The following CLDND1 variants were observed in gnomAD, a reference collection of about 807,000 sequenced individuals.
The protein encoded by CLDND1 is claudin domain containing 1.
Under a neutral mutation model 26.3 loss-of-function variants are expected in CLDND1, and 13 were observed. The observed-to-expected ratio is 0.49, with a 90% CI of 0.32 to 0.78. The LOEUF (loss-of-function observed/expected upper bound fraction) is 0.78. CLDND1 is among the 30% of genes least tolerant of loss of function. CLDND1 has a pLI of 0.03. For synonymous variants in CLDND1, 107 were observed against 107.0 expected (o/e 1.00, Z 0.00); for missense variants, 289 against 312.8 (o/e 0.92, Z 0.57).
chr3:98,521,935 T>C (rs939910072), intron 1 of CLDND1: 15 of 524,990 alleles, frequency 2.9e-5, no homozygotes, highest in African/African-American at 2.7e-4. Context: ...AAAACAAAGG[T>C]AAGAGTCAGG....
intron 3 of CLDND1, among the ~76,000 whole-genome samples, chr3:98,517,602 AGC>A (rs1706202619): frequency 6.6e-6 from 1 of 152,246 alleles, no homozygotes; most frequent in Non-Finnish European, 1.5e-5. Context: ...CTATTTACAT[AGC>A]ATTTATATTG....
Position 98,516,687 on chromosome 3 carries a change from G to T in CLDND1, c.734C>A (p.Thr245Asn). ...WAAHTNRKEY[T>N]LMKAYRVA The stretch of plus-strand genomic sequence containing the variant: ...TGCCACACGATATGCCTTCATTAAG[G>T]TGTACTCTTTCCGGTTGGTGTGAGC... The change falls in exon 5 of 5, where the codon ACC becomes AAC. Residue 245 changes from threonine (T) to asparagine (N), a missense_variant. By Grantham distance (65) the Thr-to-Asn change is moderately conservative. Transcript: ENST00000341181. The T allele has an allele frequency of 3.1e-6, 5 of 1,614,152 alleles. No homozygotes were observed. The highest frequency in any genetic ancestry group is 4.2e-6 in the Non-Finnish European group (5 of 1,180,014).
chr3:98,516,831 A>C lies in CLDND1; in HGVS notation c.590T>G (p.Leu197Arg). 6.2e-7 allele frequency: 1 copy of C among 1,614,208 alleles called. No homozygotes were observed. Among genetic ancestry groups the C allele is most frequent in the South Asian group, 1.1e-5 (1 of 91,082 alleles). The change falls in exon 5 of 5, where the codon CTA (leucine) becomes CGA (arginine). Residue 197 changes from leucine (L) to arginine (R), a missense_variant. Coordinates refer to ENST00000341181, the MANE Select transcript of CLDND1 (RefSeq NM_001040181.2). ...AGGGAGCTCTAGTTTCTGGTGGAGT[A>C]GTTCAATTCCAGCAACATAACAACT... ...SVSCYVAGIE[L>R]LHQKLELPDN... is the part of the protein sequence containing the mutation.
intron 1 of CLDND1, chr3:98,521,975 T>C (rs1203093101): frequency 9.4e-6 from 4 of 424,794 alleles, no homozygotes; most frequent in South Asian, 4.4e-5. Flanking sequence ...TTGAAGATGT[T>C]TGTTAACCCC....
chr3:98,519,787 G>A (rs983574309), intron 2 of CLDND1, among the ~76,000 whole-genome samples: 2 of 152,074 alleles, frequency 1.3e-5, no homozygotes, highest in African/African-American at 4.8e-5. Context: ...GCATGCTCCC[G>A]CCATAGAGCC....
At chr3:98,517,413 T>C in intron 3 of CLDND1, 1 of 543,866 alleles carries the variant, frequency 1.8e-6, no homozygotes, top group Non-Finnish European at 3.2e-6. Flanking sequence ...GAGGGTTCAC[T>C]ATGTTCCATG....
At chr3:98,521,548 C>A in intron 1 of CLDND1, 106 bp from the exon 2 acceptor site, 3 of 1,456,396 alleles carry the variant, frequency 2.1e-6, no homozygotes, top group Non-Finnish European at 1.9e-6. Flanking sequence ...CCCATCCCTT[C>A]GTACATATAA....
chr3:98,522,105 T>C (rs1706443903), intron 1 of CLDND1: 2 of 176,474 alleles, frequency 1.1e-5, no homozygotes, highest in African/African-American at 4.8e-5. Flanking sequence ...CGCTGCCAAA[T>C]GCTTCACTCC....
intron 1 of CLDND1, chr3:98,521,727 G>C (rs749689439): frequency 6.3e-7 from 1 of 1,596,280 alleles, no homozygotes; most frequent in Admixed American, 1.7e-5. Flanking sequence ...CACTGAAATG[G>C]ACATACACAT....
rs1246225732 is a variant in CLDND1, at chr3:98,518,955, T to C, written c.333A>G (p.Leu111=). ...CAAATTTCTCCATGAACTGCTCAGT[T>C]AGTGTGAAACTCACACATTTTGTGA... ...DVVTKCVSFT[L]TEQFMEKFVD... Residue 111 remains leucine, a synonymous_variant, in exon 3 of 5, where the codon CTA becomes CTG. Transcript: ENST00000341181. 1 of 1,613,530 alleles carries C rather than the reference T, an allele frequency of 6.2e-7. No homozygotes were observed. Among genetic ancestry groups the C allele is most frequent in the Non-Finnish European group, 8.5e-7 (1 of 1,179,636 alleles).
At chr3:98,521,971 ATG>A in intron 1 of CLDND1, 2 of 430,522 alleles carry the variant, frequency 4.6e-6, no homozygotes, top group Non-Finnish European at 8.3e-6. Context: ...AGAGTTGAAG[ATG>A]TTTGTTAACC....
At position 98,521,350 on chromosome 3, in the gene CLDND1, G is replaced by C; in HGVS notation, c.75C>G (p.Ala25=). The change falls in exon 2 of 5, where the codon GCC becomes GCG. Residue 25 remains alanine (A), a synonymous_variant. Transcript: ENST00000341181. The part of the protein sequence containing the change: ...LSLISTIYMA[A]SIGTDFWYEY... ...CATACCAGAAGTCTGTGCCAATGGA[G>C]GCTGCCATGTAGATGGTGGAAATGA... 1.2e-6 allele frequency: 2 copies of C among 1,614,192 alleles called. No homozygotes were observed. Among genetic ancestry groups the C allele is most frequent in the Non-Finnish European group, 1.7e-6 (2 of 1,180,024 alleles).
intron 1 of CLDND1, 172 bp downstream of exon 1, chr3:98,522,677 T>G: frequency 7.0e-7 from 1 of 1,434,618 alleles, no homozygotes; most frequent in Non-Finnish European, 9.1e-7. Context: ...CGGGCCAGGG[T>G]CCCCCGGTAC....
chr3:98,521,408 G>A lies in CLDND1; in HGVS notation c.17C>T (p.Ala6Val), dbSNP rs1349154599. The change falls in exon 2 of 5, where the codon GCT becomes GTT. Residue 6 changes from alanine to valine, a missense_variant. Transcript: ENST00000341181. ...CACACAAGCAATTACAAATGCTGTA[G>A]CAAAACGGTTATCCATTCTGGCATT... MDNRF[A>V]TAFVIACVLS... is the part of the protein sequence containing the mutation. The A allele has an allele frequency of 6.2e-7, 1 of 1,614,000 alleles. No individual in the cohort carries two copies. Among genetic ancestry groups the A allele is most frequent in the African/African-American group, 1.3e-5 (1 of 74,944 alleles).
intron 2 of CLDND1, 121 bp downstream of exon 2, chr3:98,521,012 T>C: frequency 1.2e-6 from 1 of 817,872 alleles, no homozygotes; most frequent in East Asian, 2.5e-5. Context: ...AGATACACGA[T>C]TTATTTCTTT....
At chr3:98,521,705 T>G in intron 1 of CLDND1, 1 of 1,612,284 alleles carries the variant, frequency 6.2e-7, no homozygotes. Context: ...ACCTGCATAC[T>G]AAAACAGACA....
Position 98,516,806 on chromosome 3 carries a change from A to C in CLDND1, c.615T>G (p.Pro205=). Residue 205 remains proline (P), a synonymous_variant, in exon 5 of 5, where the codon CCT becomes CCG. Coordinates refer to ENST00000341181, the MANE Select transcript of CLDND1 (RefSeq NM_001040181.2). ...IELLHQKLEL[P]DNVSGEFGWS... is the part of the protein sequence containing the mutation. The stretch of plus-strand genomic sequence containing the variant: ...ATCCAAATTCACCGGATACATTGTC[A>C]GGGAGCTCTAGTTTCTGGTGGAGTA... 1 of 1,614,200 alleles carries C rather than the reference A, an allele frequency of 6.2e-7. No homozygotes were observed. Among genetic ancestry groups the C allele is most frequent in the Non-Finnish European group, 8.5e-7 (1 of 1,180,014 alleles).
rs765660913 is a variant in CLDND1 at position 98,515,820 on chromosome 3, T to C, written c.*839A>G. On this transcript the variant is annotated 3_prime_UTR_variant, in exon 5 of 5. Coordinates refer to ENST00000341181, the MANE Select transcript of CLDND1 (RefSeq NM_001040181.2). The stretch of plus-strand genomic sequence containing the variant: ...GAGGGTCATTATGGTGAAACGTTCT[T>C]TATAGTACTGGGCTGGAATAAATAA... The C allele has an allele frequency of 7.8e-7, 1 of 1,289,664 alleles. No individual in the cohort carries two copies. The highest frequency in any genetic ancestry group is 1.2e-5 in the South Asian group (1 of 81,024). 79.9% of individuals were successfully genotyped at this position (1,289,664 alleles called of 1,614,324 possible).
At position 98,521,877 on chromosome 3, in the gene CLDND1, C is replaced by A. The variant is rs149741420; in HGVS notation, c.-18-435G>T. 577 of 589,546 alleles carry A rather than the reference C, an allele frequency of 9.8e-4. 1 individual carries two copies. Among genetic ancestry groups the A allele is most frequent in the African/African-American group, 9.6e-3 (514 of 53,528 alleles). 36.5% of individuals were successfully genotyped at this position (589,546 alleles called of 1,614,324 possible). A position where few individuals can be genotyped will look rare whatever the true frequency, so the allele number is the denominator to read the frequency against. On this transcript the variant is annotated intron_variant, in intron 1 of 4. Coordinates refer to ENST00000341181, the MANE Select transcript of CLDND1 (RefSeq NM_001040181.2). ...GTTAAAAAGGCACAGGAAAAAGAAG[C>A]AGTGGAAATTGGCTTCTCCCAGTTT...
Sources: allele counts gnomAD v4.1 joint callset (sites outside exome capture counted in the v4.1 genomes callset), GRCh38; gene constraint gnomAD v4.1.1; transcripts MANE v1.5; gene names NCBI Gene and HGNC (gene_info 2026-07-23, HGNC 2026-07-21).